ATM: variants seen among roughly 807,000 people sequenced by gnomAD.
The protein encoded by ATM is ATM serine/threonine kinase.
ATM carries 308 observed loss-of-function variants against 387.0 expected under a neutral mutation model. The observed-to-expected ratio is 0.80, with a 90% CI of 0.73 to 0.87. The LOEUF (loss-of-function observed/expected upper bound fraction) is 0.87. ATM is among the 40% of genes least tolerant of loss of function. The pLI is 0.00. For missense variants in ATM, 3,312 were observed against 3,560.9 expected (o/e 0.93, Z 1.78); for synonymous variants, 1,156 against 1,187.3 (o/e 0.97, Z 0.54).
chr11:108,295,353 G>A, intron 32 of ATM: 1 of 345,670 alleles, frequency 2.9e-6, no homozygotes, highest in Non-Finnish European at 5.4e-6. Flanking sequence ...TTTTTTAAGA[G>A]TCTCACTCTG....
intron 38 of ATM, chr11:108,308,553 A>C: frequency 5.3e-6 from 1 of 187,104 alleles, no homozygotes; most frequent in East Asian, 1.4e-4. Flanking sequence ...AGAAATTGCT[A>C]GAATGGATGG....
intron 61 of ATM, among the ~76,000 whole-genome samples, chr11:108,358,458 C>T (rs1021835020): frequency 6.6e-6 from 1 of 151,130 alleles, no homozygotes; most frequent in African/African-American, 2.4e-5. Context: ...CACAAAGATA[C>T]TCTTTGAGAA....
At chr11:108,267,101 A>C in intron 16 of ATM, 70 bp from the exon 17 acceptor site, 1 of 1,484,390 alleles carries the variant, frequency 6.7e-7, no homozygotes, top group Non-Finnish European at 9.3e-7. Flanking sequence ...CAGCCTGATT[A>C]GGTAAATTTT....
intron 5 of ATM, among the ~76,000 whole-genome samples, chr11:108,241,493 G>C (rs972829189): frequency 1.3e-5 from 2 of 152,000 alleles, no homozygotes; most frequent in African/African-American, 2.4e-5. Context: ...ACAAATGCTT[G>C]TGAGTAATTT....
chr11:108,302,115 A>G (rs2083461815), intron 35 of ATM, among the ~76,000 whole-genome samples: 1 of 152,112 alleles, frequency 6.6e-6, no homozygotes, highest in African/African-American at 2.4e-5. Context: ...GGTATGGTTT[A>G]TAGTTATTGT....
Position 108,272,546 on chromosome 11 carries a change from A to G in ATM, c.3092A>G (p.Glu1031Gly), listed in dbSNP as rs758708495. ...CTTGATTTCAGGCATCTAACAAAGG[A>G]GAGGAAATATATATTCTCTGTAAGA... is the stretch of plus-strand genomic sequence containing the variant. ...VIGAFWHLTK[E>G]RKYIFSVRMA... Residue 1031 changes from glutamate to glycine, a missense_variant, in exon 21 of 63, where the codon GAG becomes GGG. Physicochemically the swap from Glu to Gly is moderately conservative, Grantham distance 98 (BLOSUM62 -2). This residue lies in a region of ATM where 1,791 missense variants were observed against 1,804.5 expected (regional missense o/e 0.99). Coordinates refer to ENST00000675843, the MANE Select transcript of ATM (RefSeq NM_000051.4). The G allele has an allele frequency of 1.2e-6, 2 of 1,613,140 alleles. No individual in the cohort carries two copies. The highest frequency in any genetic ancestry group is 8.5e-7 in the Non-Finnish European group (1 of 1,179,178).
chr11:108,314,026 A>T (rs958581733), intron 40 of ATM, among the ~76,000 whole-genome samples: 3 of 152,116 alleles, frequency 2.0e-5, no homozygotes, highest in African/African-American at 7.2e-5. Context: ...GTTTTGTGCT[A>T]TTTTTCAAAG....
In ATM at chr11:108,347,310, T is replaced by G. The variant is rs1555139556; in HGVS notation, c.8616T>G (p.His2872Gln). ...ACATACTTGGACTTGGTGATAGACATGTACAGAATATCTTGATAAATGAGC... is the reference window on the plus strand; with the variant it reads ...ACATACTTGGACTTGGTGATAGACAGGTACAGAATATCTTGATAAATGAGC... Reference protein sequence around the residue: ...VGYILGLGDRHVQNILINEQS... With the variant: ...VGYILGLGDRQVQNILINEQS... The change falls in exon 59 of 63, where the codon CAT becomes CAG. Residue 2872 changes from histidine (H) to glutamine (Q), a missense_variant. Physicochemically the swap from His to Gln is conservative, Grantham distance 24. Coordinates refer to ENST00000675843, the MANE Select transcript of ATM (RefSeq NM_000051.4). The G allele has an allele frequency of 6.2e-7, 1 of 1,611,786 alleles. No individual in the cohort carries two copies. The highest frequency in any genetic ancestry group is 8.5e-7 in the Non-Finnish European group (1 of 1,178,108).
At chr11:108,326,689 G>A (rs1033473824) in intron 47 of ATM, among the ~76,000 whole-genome samples, 31 of 152,290 alleles carry the variant, frequency 2.0e-4, no homozygotes, top group East Asian at 7.7e-4. Context: ...GCAAACTTAT[G>A]TTGCTACTTC....
intron 17 of ATM, among the ~76,000 whole-genome samples, chr11:108,267,800 G>A (rs2081344868): frequency 6.6e-6 from 1 of 152,240 alleles, no homozygotes; most frequent in Non-Finnish European, 1.5e-5. Context: ...GGAGGTTGCA[G>A]TGAGCCGAGA....
At chr11:108,299,961 T>C (rs2083342363) in intron 34 of ATM, 76 bp downstream of exon 34, 5 of 1,381,324 alleles carry the variant, frequency 3.6e-6, no homozygotes, top group East Asian at 2.3e-5. Context: ...CAAATAGATA[T>C]TCTCAGTAAC....
chr11:108,346,043 C>A, intron 58 of ATM, 135 bp downstream of exon 58: 1 of 922,796 alleles, frequency 1.1e-6, no homozygotes. Context: ...ACCAACCCAT[C>A]TTCATTATTA....
At chr11:108,321,152 A>T in intron 44 of ATM, 149 bp from the exon 45 acceptor site, 1 of 1,028,528 alleles carries the variant, frequency 9.7e-7, no homozygotes, top group Non-Finnish European at 1.4e-6. Flanking sequence ...TTTTGTTTCC[A>T]CTGCTATTTT....
rs730881326 is a variant in ATM at position 108,345,910 on chromosome 11, T to C, written c.8584+2T>C. 2 of 1,613,518 alleles carry C rather than the reference T, an allele frequency of 1.2e-6. No homozygotes were observed. The highest frequency in any genetic ancestry group is 1.7e-6 in the Non-Finnish European group (2 of 1,179,676). ...GCAGTGTAGCTACTTCTTCTATTGG[T>C]AATCTTCTTGTACATATAGTAGATT... On this transcript the variant is annotated splice_donor_variant, in intron 58 of 62. Transcript: ENST00000675843. LOFTEE classifies it high-confidence loss of function.
Position 108,293,919 on chromosome 11 carries a change from ATG to A in ATM, c.4776+450_4776+451del, listed in dbSNP as rs1555101088. Among the ~76,000 whole-genome samples, 8 of 117,052 alleles carry A rather than the reference ATG, an allele frequency of 6.8e-5. No individual in the cohort carries two copies. In the South Asian group the frequency reaches 2.6e-3, roughly 38 times the overall value. The allele number at this position is 117,052 out of a possible 152,430, so 76.8% of individuals were successfully genotyped here. On this transcript the variant is annotated intron_variant, in intron 31 of 62. Transcript: ENST00000675843. The stretch of plus-strand genomic sequence containing the variant: ...AATATATATATATATATATATATAT[ATG>A]TGTGTGTATATAAACACATACTTGT...
At chr11:108,302,810 TTCCACTTC>T in intron 35 of ATM, 35 bp from the exon 36 acceptor site, 1 of 1,545,472 alleles carries the variant, frequency 6.5e-7, no homozygotes. Flanking sequence ...GTACAATGAT[TTCCACTTC>T]TCTTATTTAC....
At chr11:108,289,838 T>G in intron 29 of ATM, 37 bp downstream of exon 29, 1 of 1,564,074 alleles carries the variant, frequency 6.4e-7, no homozygotes, top group Non-Finnish European at 8.8e-7. Context: ...TAAGCAGTCT[T>G]TCTATCCTGT....
At chr11:108,332,401 C>T (rs1371703936) in intron 52 of ATM, among the ~76,000 whole-genome samples, 1 of 152,076 alleles carries the variant, frequency 6.6e-6, no homozygotes, top group Non-Finnish European at 1.5e-5. Flanking sequence ...CATTGCACTC[C>T]AGCCTGGGCA....
At chr11:108,293,998 A>T (rs1007737825) in intron 31 of ATM, among the ~76,000 whole-genome samples, 3 of 150,702 alleles carry the variant, frequency 2.0e-5, no homozygotes, top group Non-Finnish European at 4.4e-5. Flanking sequence ...ATGAATCTTA[A>T]TGTATCTCTT....
Sources: allele counts gnomAD v4.1 joint callset (sites outside exome capture counted in the v4.1 genomes callset), GRCh38; gene constraint gnomAD v4.1.1; regional missense constraint gnomAD v4.1.1; transcripts MANE v1.5; gene names NCBI Gene and HGNC (gene_info 2026-07-23, HGNC 2026-07-21).